Variants in ELN observed in about 807,000 individuals in gnomAD.
ELN encodes elastin, also known as tropoelastin.
ELN carries 65 observed loss-of-function variants against 105.8 expected under a neutral mutation model. The ratio of observed to expected loss-of-function variants is 0.61; its 90% CI spans 0.50 to 0.75. The LOEUF (loss-of-function observed/expected upper bound fraction) is 0.75. Ranked by LOEUF, ELN falls within the 30% of genes least tolerant of loss-of-function variation. ELN has a pLI of 0.00. For missense variants in ELN, 882 were observed against 969.4 expected, an observed-to-expected ratio of 0.91 and a Z score of 1.20; for synonymous variants, 368 against 389.2, an observed-to-expected ratio of 0.95 and a Z score of 0.64.
chr7:74,055,652 G>A (rs1389515727), intron 19 of ELN, among the ~76,000 whole-genome samples: 1 of 151,742 alleles, frequency 6.6e-6, no homozygotes, highest in African/African-American at 2.4e-5. Context: ...GCTAATTTTT[G>A]TATTTTCAGT....
Position 74,065,743 on chromosome 7 carries a change from C to T in ELN, c.2032+11C>T. On this transcript the variant is annotated intron_variant, in intron 30 of 32. Transcript: ENST00000252034. Reference sequence around the variant, plus strand: ...AAGCAGCTAAATACGGTGAGTTCCCCTCTGATGCCTTCCTGCCAGTGGCCT... The same window carrying T: ...AAGCAGCTAAATACGGTGAGTTCCCTTCTGATGCCTTCCTGCCAGTGGCCT... 1 of 1,614,112 alleles carries T rather than the reference C, an allele frequency of 6.2e-7. No homozygotes were observed. Among genetic ancestry groups the T allele is most frequent in the Non-Finnish European group, 8.5e-7 (1 of 1,180,006 alleles).
At position 74,040,352 on chromosome 7, in the gene ELN, C is replaced by T. The variant is rs575966769; in HGVS notation, c.197-864C>T. ...TGCCTGATCGCCAGGCACTCCCGCCCGGAGGCAAAGATGCTTCTTACATGA... is the reference window on the plus strand; with the variant it reads ...TGCCTGATCGCCAGGCACTCCCGCCTGGAGGCAAAGATGCTTCTTACATGA... On this transcript the variant is annotated intron_variant, in intron 4 of 32. Coordinates refer to ENST00000252034, the MANE Select transcript of ELN (RefSeq NM_000501.4). 7.2e-5 allele frequency among the ~76,000 whole-genome samples: 11 copies of T among 152,336 alleles called. No individual in the cohort carries two copies. In the South Asian group the frequency reaches 1.2e-3, roughly 17 times the overall value.
At position 74,060,014 on chromosome 7, in the gene ELN, G is replaced by A. The variant is rs376258672; in HGVS notation, c.1543G>A (p.Val515Met). ...AGTTGGTGTGGCTCCTGGCGTTGGC[G>A]TGGCTCCCGGCATTGGCCCTGGTGG... ...PGVGVAPGVG[V>M]APGIGPGGVA... Residue 515 changes from valine to methionine, a missense_variant, in exon 23 of 33, where the codon GTG becomes ATG. Transcript: ENST00000252034. 132 of 1,614,036 alleles carry A rather than the reference G, an allele frequency of 8.2e-5. No individual in the cohort carries two copies. Among genetic ancestry groups the A allele is most frequent in the Non-Finnish European group, 1.0e-4 (121 of 1,179,996 alleles).
rs146434755 is a variant in ELN, at chr7:74,044,360, C to T, written c.469+440C>T. On this transcript the variant is annotated intron_variant, in intron 9 of 32. Coordinates refer to ENST00000252034, the MANE Select transcript of ELN (RefSeq NM_000501.4). Reference sequence around the variant, plus strand: ...CCTGGGTCCTGACCTGAGCCATTTCCCCAAACTCCAAAGCTCAGGCTAACA... The same window carrying T: ...CCTGGGTCCTGACCTGAGCCATTTCTCCAAACTCCAAAGCTCAGGCTAACA... Among the ~76,000 whole-genome samples the T allele has an allele frequency of 8.4e-3, 1,274 of 152,210 alleles. 11 individuals are homozygous for T. Among genetic ancestry groups the T allele is most frequent in the Non-Finnish European group, 0.012 (813 of 67,994 alleles).
At chr7:74,036,462 G>A in intron 2 of ELN, 93 bp from the exon 3 acceptor site, 1 of 1,565,540 alleles carries the variant, frequency 6.4e-7, no homozygotes, top group Non-Finnish European at 8.7e-7. Flanking sequence ...CACGTAGTTA[G>A]GCAGAGGTGG....
At chr7:74,052,614 A>AAAGG in intron 17 of ELN, 1 of 169,536 alleles carries the variant, frequency 5.9e-6, no homozygotes, top group African/African-American at 2.5e-5. Context: ...AAAGAGAGAG[A>AAAGG]CAGGAAGGAA....
At chr7:74,049,906 CATCCATACATCA>C (rs147881377) in intron 15 of ELN, among the ~76,000 whole-genome samples, 138,857 of 139,452 alleles carry the variant, frequency 1, 69,131 homozygotes, top group South Asian at 1. Flanking sequence ...TCCATCCATC[CATCCATACATCA>C]ATCCATACAT....
intron 9 of ELN, among the ~76,000 whole-genome samples, chr7:74,044,896 G>A (rs1181941880): frequency 1.3e-5 from 2 of 152,218 alleles, no homozygotes; most frequent in Non-Finnish European, 2.9e-5. Context: ...GTGGCACCGC[G>A]CAGCAGCTGT....
chr7:74,059,647 G>A, intron 22 of ELN: 1 of 603,742 alleles, frequency 1.7e-6, no homozygotes, highest in Non-Finnish European at 2.9e-6. Flanking sequence ...TCACGCCATT[G>A]CACTCCAGCC....
Position 74,035,387 on chromosome 7 carries a change from G to A in ELN, c.106G>A (p.Gly36Arg). Reference protein sequence around the residue: ...PGGVPGAIPGGVPGGVFYPGA... With the variant: ...PGGVPGAIPGRVPGGVFYPGA... The stretch of plus-strand genomic sequence containing the variant: ...AGGGGTCCCTGGGGCCATTCCTGGT[G>A]GAGTTCCTGGAGGAGTCTTTTATCC... The change falls in exon 2 of 33, where the codon GGA (glycine) becomes AGA (arginine). Residue 36 changes from glycine (G) to arginine (R), a missense_variant. Physicochemically the swap from Gly to Arg is moderately radical, Grantham distance 125 (BLOSUM62 -2). Transcript: ENST00000252034. The A allele has an allele frequency of 6.2e-7, 1 of 1,614,068 alleles. No individual in the cohort carries two copies. The highest frequency in any genetic ancestry group is 8.5e-7 in the Non-Finnish European group (1 of 1,180,002).
At chr7:74,060,084 G>T (rs373452625) in intron 23 of ELN, 37 bp downstream of exon 23, 1 of 1,613,994 alleles carries the variant, frequency 6.2e-7, no homozygotes, top group African/African-American at 1.3e-5. Context: ...AGGGGCCCCC[G>T]AAGCCTCCAT....
At chr7:74,046,127 G>T in intron 10 of ELN, 61 bp from the exon 11 acceptor site, 1 of 1,612,490 alleles carries the variant, frequency 6.2e-7, no homozygotes, top group Non-Finnish European at 8.5e-7. Context: ...TGGCCCCTTG[G>T]TGCTGTCTGG....
chr7:74,058,239 T>G (rs1015781445), intron 22 of ELN, among the ~76,000 whole-genome samples: 1 of 118,454 alleles, frequency 8.4e-6, no homozygotes, highest in Non-Finnish European at 1.7e-5. Flanking sequence ...TCTTCCTCTT[T>G]TTCTCCTTCT....
chr7:74,057,465 C>A, intron 21 of ELN, 175 bp from the exon 22 acceptor site: 1 of 1,553,074 alleles, frequency 6.4e-7, no homozygotes. Context: ...GGGAGGAGTG[C>A]CAGGTGAGCT....
chr7:74,028,306 C>T (rs1787896469), intron 1 of ELN, 37 bp downstream of exon 1: 4 of 1,589,518 alleles, frequency 2.5e-6, no homozygotes, highest in Non-Finnish European at 3.4e-6. Context: ...GCGCTGCCCA[C>T]AGCTGCGGGC....
At chr7:74,039,410 G>A (rs951987285) in intron 4 of ELN, among the ~76,000 whole-genome samples, 1 of 152,210 alleles carries the variant, frequency 6.6e-6, no homozygotes, top group South Asian at 2.1e-4. Context: ...AGCCCCCATG[G>A]CACCCCCAGG....
intron 32 of ELN, 106 bp downstream of exon 32, chr7:74,066,882 G>A (rs1798075075): frequency 1.6e-6 from 2 of 1,257,040 alleles, no homozygotes; most frequent in Non-Finnish European, 2.3e-6. Flanking sequence ...AGCACCCAGG[G>A]GTGGACCCCA....
At chr7:74,047,548 C>T in intron 12 of ELN, 127 bp from the exon 13 acceptor site, 2 of 1,318,116 alleles carry the variant, frequency 1.5e-6, no homozygotes, top group Non-Finnish European at 2.2e-6. Flanking sequence ...CTCCTGGGAG[C>T]AGCTCAGGAC....
chr7:74,041,231 C>A lies in ELN; in HGVS notation c.212C>A (p.Ala71Glu). 6.2e-7 allele frequency: 1 copy of A among 1,613,960 alleles called. No individual in the cohort carries two copies. Among genetic ancestry groups the A allele is most frequent in the South Asian group, 1.1e-5 (1 of 91,078 alleles). Residue 71 changes from alanine to glutamate, a missense_variant, in exon 5 of 33, where the codon GCG (alanine) becomes GAG (glutamate). Transcript: ENST00000252034. ...TTATCCACAGTTCCCGGAGGGCTTG[C>A]GGGTGCTGGCCTTGGGGCAGGTGAG... ...KPLKPVPGGL[A>E]GAGLGAGLGA...
Sources: gnomAD v4.1 joint callset for allele counts (sites outside exome capture counted in the v4.1 genomes callset) on GRCh38, gnomAD v4.1.1 for gene constraint, MANE v1.5 for transcripts, NCBI Gene and HGNC (gene_info 2026-07-23, HGNC 2026-07-21) for gene names.